CENPP: variants seen among roughly 807,000 people sequenced by gnomAD.
The protein encoded by CENPP is centromere protein P.
Under a neutral mutation model 35.6 loss-of-function variants are expected in CENPP, and 24 were observed. That is an observed-to-expected ratio of 0.67 (90% CI 0.49 to 0.95). The LOEUF is 0.95. Among genes scored for constraint, CENPP ranks in the 40% least tolerant of loss-of-function variants. The probability of loss-of-function intolerance (pLI) is 0.00; values close to 1 mark genes in which losing one functional copy is unlikely to be tolerated. For synonymous variants in CENPP, 120 were observed against 125.5 expected (o/e 0.96, Z 0.29); for missense variants, 332 against 345.3 (o/e 0.96, Z 0.31).
chr9:92,345,819 G>A lies in CENPP; in HGVS notation c.467+32G>A, dbSNP rs373810176. 4.5e-6 allele frequency: 6 copies of A among 1,318,694 alleles called. No homozygotes were observed. In the Admixed American group the frequency reaches 1.1e-4, roughly 25 times the overall value. The allele number at this position is 1,318,694 out of a possible 1,614,324, so 81.7% of individuals were successfully genotyped here. The stretch of plus-strand genomic sequence containing the variant: ...TATTTTACAAACTTACTTTTTTAGA[G>A]AAAAAAAGTAAATTTACACTTTACA... On this transcript the variant is annotated intron_variant, in intron 4 of 7. Transcript: ENST00000375587.
At chr9:92,423,250 G>A (rs2130973588) in intron 5 of CENPP, among the ~76,000 whole-genome samples, 1 of 152,066 alleles carries the variant, frequency 6.6e-6, no homozygotes, top group Non-Finnish European at 1.5e-5. Context: ...AAGAATGTTT[G>A]GAGCAAAGTA....
chr9:92,325,743 C>T (rs1840434734), upstream of CENPP: 1 of 460,208 alleles, frequency 2.2e-6, no homozygotes, highest in African/African-American at 2.1e-5. Context: ...AAAGAACGCG[C>T]TCTCCAGAGA....
intron 5 of CENPP, among the ~76,000 whole-genome samples, chr9:92,548,598 G>A (rs564694127): frequency 5.9e-5 from 9 of 152,154 alleles, no homozygotes; most frequent in Non-Finnish European, 1.2e-4. Flanking sequence ...TCTTTATACA[G>A]TGAGATAATG....
chr9:92,573,706 T>C (rs1850208159), intron 5 of CENPP, among the ~76,000 whole-genome samples: 1 of 151,940 alleles, frequency 6.6e-6, no homozygotes, highest in South Asian at 2.1e-4. Context: ...AGGTGGAGTC[T>C]ACAGAGGCAG....
At position 92,409,471 on chromosome 9, in the gene CENPP, T is replaced by C. The variant is rs1367224688; in HGVS notation, c.564+29612T>C. Among the ~76,000 whole-genome samples the C allele has an allele frequency of 2.0e-5, 3 of 152,252 alleles. No individual in the cohort carries two copies. The East Asian group carries it at 5.8e-4, about 29-fold the overall frequency. ...GATTAAGTGTGTTATATAATATGCA[T>C]ACATCTGTATTTTACTTTAGTGCTC... On this transcript the variant is annotated intron_variant, in intron 5 of 7. Transcript: ENST00000375587.
intron 4 of CENPP, among the ~76,000 whole-genome samples, chr9:92,351,561 TTGTC>T (rs1474574659): frequency 6.6e-6 from 1 of 152,158 alleles, no homozygotes; most frequent in Non-Finnish European, 1.5e-5. Context: ...ATTCTACTTT[TTGTC>T]TGTGTGATTT....
intron 5 of CENPP, among the ~76,000 whole-genome samples, chr9:92,555,003 T>TTTGTTGTTGTTGTTG (rs57027847): frequency 1.3e-5 from 2 of 149,708 alleles, no homozygotes; most frequent in Non-Finnish European, 3.0e-5. Flanking sequence ...GTCTGTATTG[T>TTTGTTGTTGTTGTTG]TTGTTGTTGT....
intron 3 of CENPP, among the ~76,000 whole-genome samples, chr9:92,343,531 T>A (rs1193673711): frequency 1.3e-5 from 2 of 152,238 alleles, no homozygotes; most frequent in Non-Finnish European, 2.9e-5. Flanking sequence ...GCAATTTTTT[T>A]AAATGGAAGA....
At chr9:92,403,277 C>G in intron 5 of CENPP, 1 of 1,605,436 alleles carries the variant, frequency 6.2e-7, no homozygotes, top group Non-Finnish European at 8.5e-7. Flanking sequence ...ATAATCTTGG[C>G]TAAATATGGA....
chr9:92,619,410 A>T lies in CENPP; in HGVS notation c.*6261A>T, dbSNP rs1482851227. On this transcript the variant is annotated 3_prime_UTR_variant, in exon 8 of 8. Coordinates refer to ENST00000375587, the MANE Select transcript of CENPP (RefSeq NM_001012267.3). ...GTCTCTAAATATGGGGAAACCAACT[A>T]TCCTATTAACAATTCACCAACTGTC... 2.5e-6 allele frequency: 3 copies of T among 1,194,358 alleles called. No individual in the cohort carries two copies. Among genetic ancestry groups the T allele is most frequent in the Non-Finnish European group, 3.6e-6 (3 of 823,912 alleles). The allele number at this position is 1,194,358 out of a possible 1,614,324, so 74.0% of individuals were successfully genotyped here.
At chr9:92,580,386 C>A (rs1239625055) in intron 5 of CENPP, among the ~76,000 whole-genome samples, 1 of 152,118 alleles carries the variant, frequency 6.6e-6, no homozygotes, top group Non-Finnish European at 1.5e-5. Context: ...GGTACCAGTT[C>A]CTCCTTGTAG....
chr9:92,513,850 CTA>C (rs1847514340), intron 5 of CENPP, among the ~76,000 whole-genome samples: 2 of 152,062 alleles, frequency 1.3e-5, no homozygotes, highest in African/African-American at 2.4e-5. Flanking sequence ...GGTTACATGA[CTA>C]TGTGCATTTG....
intron 4 of CENPP, among the ~76,000 whole-genome samples, chr9:92,349,869 A>G (rs1841400751): frequency 6.6e-6 from 1 of 152,218 alleles, no homozygotes; most frequent in Non-Finnish European, 1.5e-5. Context: ...GCTGCTGTGA[A>G]CATTCACTAG....
At chr9:92,471,680 T>TC (rs1329197980) in intron 5 of CENPP, among the ~76,000 whole-genome samples, 1 of 151,196 alleles carries the variant, frequency 6.6e-6, no homozygotes. Context: ...TTTTTTTTTT[T>TC]TAACTTGAGA....
chr9:92,461,876 G>A (rs1427562720), intron 5 of CENPP, among the ~76,000 whole-genome samples: 1 of 152,126 alleles, frequency 6.6e-6, no homozygotes, highest in African/African-American at 2.4e-5. Context: ...GCCCAGAGGT[G>A]ACCAGTTAAG....
rs539765090 is a variant in CENPP at position 92,485,752 on chromosome 9, A to G, written c.564+105893A>G. ...AGTGCAGTGGTACAATCATACCTCAAACTCCTGGGCTAAAGCAATCCTCCC... is the reference window on the plus strand; with the variant it reads ...AGTGCAGTGGTACAATCATACCTCAGACTCCTGGGCTAAAGCAATCCTCCC... On this transcript the variant is annotated intron_variant, in intron 5 of 7. Coordinates refer to ENST00000375587, the MANE Select transcript of CENPP (RefSeq NM_001012267.3). Among the ~76,000 whole-genome samples, 3 of 152,258 alleles carry G rather than the reference A, an allele frequency of 2.0e-5. No individual in the cohort carries two copies. In the East Asian group the frequency reaches 5.8e-4, roughly 29 times the overall value.
intron 4 of CENPP, among the ~76,000 whole-genome samples, chr9:92,346,069 G>A (rs1433375900): frequency 6.6e-6 from 1 of 152,240 alleles, no homozygotes; most frequent in Non-Finnish European, 1.5e-5. Flanking sequence ...TAGTGGAGAA[G>A]TTAGATATTG....
intron 5 of CENPP, among the ~76,000 whole-genome samples, chr9:92,454,304 A>T (rs1293463598): frequency 6.6e-6 from 1 of 152,286 alleles, no homozygotes; most frequent in East Asian, 1.9e-4. Flanking sequence ...CCAGTATTTT[A>T]AAATTTTGGT....
intron 5 of CENPP, among the ~76,000 whole-genome samples, chr9:92,542,808 G>A (rs534717414): frequency 1.2e-4 from 19 of 152,128 alleles, no homozygotes; most frequent in East Asian, 3.9e-4. Flanking sequence ...CACTGCGCCC[G>A]GCCCCCTATG....
Sources: gnomAD v4.1 joint callset for allele counts (sites outside exome capture counted in the v4.1 genomes callset) on GRCh38, gnomAD v4.1.1 for gene constraint, MANE v1.5 for transcripts, NCBI Gene and HGNC (gene_info 2026-07-23, HGNC 2026-07-21) for gene names.